Variants in PDZK1 observed in about 807,000 individuals in gnomAD.
The protein encoded by PDZK1 is PDZ domain containing 1.
PDZK1 carries 23 observed loss-of-function variants against 38.1 expected under a neutral mutation model. The observed-to-expected ratio is 0.60, with a 90% CI of 0.43 to 0.85. The LOEUF (loss-of-function observed/expected upper bound fraction) is 0.85. Ranked by LOEUF, PDZK1 falls within the 40% of genes least tolerant of loss-of-function variation. The probability of loss-of-function intolerance (pLI) is 0.00; values close to 1 mark genes in which losing one functional copy is unlikely to be tolerated. For missense variants in PDZK1, 297 were observed against 504.3 expected (o/e 0.59, Z 3.94); for synonymous variants, 98 against 186.2 (o/e 0.53, Z 3.86).
At position 145,702,948 on chromosome 1, in the gene PDZK1, C is replaced by G. The variant is rs587689632; in HGVS notation, c.-3+4369G>C. ...GGCACTGAGGCTCAGCATAATCCAG[C>G]CCTACCTCAGGCCCCCAGCTCCTCA... On this transcript the variant is annotated intron_variant, in intron 1 of 8. Coordinates refer to ENST00000417171, the MANE Select transcript of PDZK1 (RefSeq NM_001201325.2). Among the ~76,000 whole-genome samples the G allele has an allele frequency of 9.2e-5, 14 of 152,256 alleles. No homozygotes were observed. In the East Asian group the frequency reaches 2.5e-3, roughly 27 times the overall value.
At chr1:145,688,892 G>A (rs782122073) in intron 1 of PDZK1, among the ~76,000 whole-genome samples, 2 of 152,026 alleles carry the variant, frequency 1.3e-5, no homozygotes, top group Non-Finnish European at 2.9e-5. Flanking sequence ...CTGGGAGGTG[G>A]AGATTGCAGT....
At chr1:145,688,875 C>A (rs960220809) in intron 1 of PDZK1, among the ~76,000 whole-genome samples, 1 of 152,052 alleles carries the variant, frequency 6.6e-6, no homozygotes, top group Non-Finnish European at 1.5e-5. Flanking sequence ...AGGATAATTG[C>A]TTTAACCTGG....
In PDZK1 at chr1:145,703,154, CCA is replaced by C. The variant is rs1656063190; in HGVS notation, c.-3+4161_-3+4162del. Among the ~76,000 whole-genome samples the C allele has an allele frequency of 1.3e-5, 2 of 152,150 alleles. 1 individual carries two copies. Among genetic ancestry groups the C allele is most frequent in the South Asian group, 4.1e-4 (2 of 4,822 alleles). On this transcript the variant is annotated intron_variant, in intron 1 of 8. Transcript: ENST00000417171. ...TTATATACGAATCCTTCCATGACCACCACAGTCTGAAGGTATCATTTCATCTT... is the reference window on the plus strand; with the variant it reads ...TTATATACGAATCCTTCCATGACCACCAGTCTGAAGGTATCATTTCATCTT...
chr1:145,673,791 C>G lies in PDZK1; in HGVS notation c.1081G>C (p.Glu361Gln). The change falls in exon 7 of 9, where the codon GAA becomes CAA. Residue 361 changes from glutamate (E) to glutamine (Q), a missense_variant. Physicochemically the swap from Glu to Gln is conservative, Grantham distance 29. Coordinates refer to ENST00000417171, the MANE Select transcript of PDZK1 (RefSeq NM_001201325.2). ...EAPAPTPTSL[E>Q]VSSPPDTTEE... ...GTAGTATCTGGTGGACTTGAGACTT[C>G]CAGAGAAGTGGGAGTAGGAGCTGGA... is the stretch of plus-strand genomic sequence containing the variant. 1 of 1,611,544 alleles carries G rather than the reference C, an allele frequency of 6.2e-7. No individual in the cohort carries two copies.
rs1654808710 is a variant in PDZK1 at position 145,686,733 on chromosome 1, G to T, written c.211-7C>A. The T allele has an allele frequency of 4.9e-6, 7 of 1,426,408 alleles. No individual in the cohort carries two copies. In the East Asian group the frequency reaches 1.6e-4, roughly 33 times the overall value. 88.4% of individuals were successfully genotyped at this position (1,426,408 alleles called of 1,614,324 possible). On this transcript the variant is annotated splice_polypyrimidine_tract_variant and splice_region_variant and intron_variant, in intron 2 of 8. Coordinates refer to ENST00000417171, the MANE Select transcript of PDZK1 (RefSeq NM_001201325.2). Reference sequence around the variant, plus strand: ...TTCTGACCAGATCCACAACCTAGGAGGGAAGAAGAAAAAGGTAACTTTAAT... The same window carrying T: ...TTCTGACCAGATCCACAACCTAGGATGGAAGAAGAAAAAGGTAACTTTAAT...
intron 2 of PDZK1, among the ~76,000 whole-genome samples, chr1:145,687,029 G>A (rs1311904005): frequency 3.9e-5 from 6 of 152,072 alleles, no homozygotes; most frequent in Non-Finnish European, 5.9e-5. Flanking sequence ...CATTCCTCCC[G>A]TGTGCATGGG....
intron 8 of PDZK1, chr1:145,671,772 G>T: frequency 2.9e-6 from 1 of 348,250 alleles, no homozygotes; most frequent in Non-Finnish European, 5.5e-6. Context: ...CTTGCTGTTT[G>T]ACACATTAAC....
chr1:145,684,003 C>T (rs1364510808), intron 3 of PDZK1, among the ~76,000 whole-genome samples: 2 of 151,606 alleles, frequency 1.3e-5, no homozygotes, highest in East Asian at 3.9e-4. Context: ...CCTGCCACCG[C>T]GCCTGGCTAA....
chr1:145,683,599 C>A (rs1571600187), intron 3 of PDZK1, among the ~76,000 whole-genome samples: 1 of 152,262 alleles, frequency 6.6e-6, no homozygotes, highest in East Asian at 1.9e-4. Context: ...ATTAATAGAG[C>A]AGTTCCCCCT....
chr1:145,682,662 A>T, intron 3 of PDZK1, 26 bp from the exon 4 acceptor site: 3 of 1,610,572 alleles, frequency 1.9e-6, no homozygotes, highest in Non-Finnish European at 2.5e-6. Flanking sequence ...GGTAAACTCC[A>T]TGTGGAGACA....
intron 6 of PDZK1, chr1:145,676,205 C>T: frequency 2.0e-6 from 2 of 983,124 alleles, no homozygotes; most frequent in Non-Finnish European, 2.4e-6. Context: ...CTTTTTCGAT[C>T]AAAGTTCTCT....
rs1413953652 is a variant in PDZK1 at position 145,671,390 on chromosome 1, C to A, written c.*46G>T. 3.1e-6 allele frequency: 5 copies of A among 1,605,986 alleles called. No individual in the cohort carries two copies. Among genetic ancestry groups the A allele is most frequent in the Non-Finnish European group, 4.3e-6 (5 of 1,176,254 alleles). On this transcript the variant is annotated 3_prime_UTR_variant, in exon 9 of 9. Transcript: ENST00000417171. ...TGAGAAAGGATTCCTATTAAATACC[C>A]AGAAACAGCTATCAAATAAACAGCC...
At chr1:145,706,420 G>A (rs1243768212) in intron 1 of PDZK1, among the ~76,000 whole-genome samples, 2 of 152,154 alleles carry the variant, frequency 1.3e-5, no homozygotes, top group African/African-American at 4.8e-5. Flanking sequence ...CATGGCCTGA[G>A]GCAGTCCCTG....
In PDZK1 at chr1:145,694,636, C is replaced by G. The variant is rs587613617; in HGVS notation, c.-2-6613G>C. ...ATAACTTGCCGGGTGCAGTGGCTCACACCTGTAATCCCAGCACTTTGGGAG... is the reference window on the plus strand; with the variant it reads ...ATAACTTGCCGGGTGCAGTGGCTCAGACCTGTAATCCCAGCACTTTGGGAG... On this transcript the variant is annotated intron_variant, in intron 1 of 8. Transcript: ENST00000417171. Among the ~76,000 whole-genome samples, 12 of 152,190 alleles carry G rather than the reference C, an allele frequency of 7.9e-5. No homozygotes were observed. The South Asian group carries it at 2.5e-3, about 32-fold the overall frequency.
intron 2 of PDZK1, 70 bp from the exon 3 acceptor site, chr1:145,686,796 C>T (rs1553701872): frequency 1.4e-6 from 1 of 727,516 alleles, no homozygotes; most frequent in Non-Finnish European, 2.3e-6. Flanking sequence ...TGCTGACCAT[C>T]TGGCTCAATA....
chr1:145,686,487 T>G lies in PDZK1; in HGVS notation c.450A>C (p.Lys150Asn), dbSNP rs782113947. 3.3e-5 allele frequency: 54 copies of G among 1,612,026 alleles called. No individual in the cohort carries two copies. Among genetic ancestry groups the G allele is most frequent in the Non-Finnish European group, 4.5e-5 (53 of 1,179,850 alleles). ...CCAAAAAATTCTCACCTTGGACAGT[T>G]TTCAGAGAGAAGCCATAGCTGCCTC... ...KEGGSYGFSL[K>N]TVQGKKGVYM... Residue 150 changes from lysine (K) to asparagine (N), a missense_variant, in exon 3 of 9, where the codon AAA (lysine) becomes AAC (asparagine). Physicochemically the swap from Lys to Asn is moderately conservative, Grantham distance 94. Around this residue, in one of 5 missense-constraint regions of PDZK1, gnomAD observed 159 missense variants for 200.0 expected, o/e 0.79. Coordinates refer to ENST00000417171, the MANE Select transcript of PDZK1 (RefSeq NM_001201325.2).
chr1:145,701,059 G>A (rs1188296392), intron 1 of PDZK1, among the ~76,000 whole-genome samples: 5 of 152,010 alleles, frequency 3.3e-5, no homozygotes, highest in African/African-American at 1.2e-4. Context: ...ACAAAAATCA[G>A]CTGGGTGTGG....
chr1:145,685,707 A>C (rs1654692249), intron 3 of PDZK1, among the ~76,000 whole-genome samples: 1 of 152,232 alleles, frequency 6.6e-6, no homozygotes. Flanking sequence ...AGGCAGAGGC[A>C]GTGTTCAAGA....
chr1:145,689,513 G>C (rs781999676), intron 1 of PDZK1, among the ~76,000 whole-genome samples: 27 of 152,238 alleles, frequency 1.8e-4, no homozygotes, highest in Non-Finnish European at 2.8e-4. Context: ...ATTATTAAGG[G>C]TAAGACTTCT....
Sources: gnomAD v4.1 joint callset for allele counts (sites outside exome capture counted in the v4.1 genomes callset) on GRCh38, gnomAD v4.1.1 for gene constraint, gnomAD v4.1.1 regional missense constraint, MANE v1.5 for transcripts, NCBI Gene and HGNC (gene_info 2026-07-23, HGNC 2026-07-21) for gene names.